Variants in DLGAP2 observed in about 807,000 individuals in gnomAD.
DLGAP2 encodes the protein DLG associated protein 2.
A neutral mutation model predicts 100.3 loss-of-function variants in DLGAP2; 26 were observed. The observed-to-expected ratio is 0.26, with a 90% CI of 0.19 to 0.36. The LOEUF is 0.36. Among genes scored for constraint, DLGAP2 ranks in the 10% least tolerant of loss-of-function variants. The pLI, the probability that DLGAP2 is intolerant of heterozygous loss-of-function variation, is 1.00. For synonymous variants in DLGAP2, 886 were observed against 630.1 expected (o/e 1.41, Z -6.08); for missense variants, 1,858 against 1,453.2 (o/e 1.28, Z -4.53).
At position 1,469,426 on chromosome 8, in the gene DLGAP2, C is replaced by T. The variant is rs370513037; in HGVS notation, c.107-31940C>T. On this transcript the variant is annotated intron_variant, in intron 3 of 14. Coordinates refer to ENST00000637795, the MANE Select transcript of DLGAP2 (RefSeq NM_001346810.2). ...CCTCAGGAGACCCTCCATGTGGCCA[C>T]CAAGGGCAGCAAACTGCAGTACATC... is the stretch of plus-strand genomic sequence containing the variant. 6.3e-4 allele frequency among the ~76,000 whole-genome samples: 96 copies of T among 152,314 alleles called. 1 individual carries two copies. The South Asian group carries it at 0.017, about 27-fold the overall frequency.
At chr8:1,371,457 G>T (rs1234632607) in intron 3 of DLGAP2, among the ~76,000 whole-genome samples, 1 of 152,194 alleles carries the variant, frequency 6.6e-6, no homozygotes, top group South Asian at 2.1e-4. Flanking sequence ...GATGACTCAG[G>T]CTGGTGCTCT....
At chr8:1,295,780 G>A (rs921342060) in intron 3 of DLGAP2, among the ~76,000 whole-genome samples, 14 of 152,196 alleles carry the variant, frequency 9.2e-5, no homozygotes, top group Non-Finnish European at 1.0e-4. Context: ...CCCAGCCATC[G>A]TCCCCTCGTG....
chr8:1,210,253 T>G (rs1292575442), intron 2 of DLGAP2, among the ~76,000 whole-genome samples: 1 of 152,062 alleles, frequency 6.6e-6, no homozygotes, highest in Non-Finnish European at 1.5e-5. Flanking sequence ...GAGGCTGGCT[T>G]AGGGCAGGGT....
Position 1,005,990 on chromosome 8 carries a change from AC to A in DLGAP2, c.73+98026del, listed in dbSNP as rs1801097700. 2.0e-5 allele frequency among the ~76,000 whole-genome samples: 3 copies of A among 152,226 alleles called. No homozygotes were observed. The South Asian group carries it at 6.2e-4, about 32-fold the overall frequency. ...CAAATCACGAGGTCAAGAGATCAAG[AC>A]CATCCTGGCCAACATGGTGAAACCC... On this transcript the variant is annotated intron_variant, in intron 2 of 14. Coordinates refer to ENST00000637795, the MANE Select transcript of DLGAP2 (RefSeq NM_001346810.2).
chr8:899,181 A>G (rs1305588005), intron 1 of DLGAP2, among the ~76,000 whole-genome samples: 1 of 152,044 alleles, frequency 6.6e-6, no homozygotes, highest in African/African-American at 2.4e-5. Context: ...CCTCTCTCCA[A>G]CCTGCTCCCA....
chr8:1,180,300 G>C (rs7821624), intron 2 of DLGAP2, among the ~76,000 whole-genome samples: 87,472 of 151,682 alleles, frequency 0.58, 25,495 homozygotes, highest in Admixed American at 0.66. Flanking sequence ...CTTCCACACT[G>C]CAGAGCGTTC....
chr8:808,327 A>G (rs1326585950), intron 1 of DLGAP2, among the ~76,000 whole-genome samples: 2 of 152,174 alleles, frequency 1.3e-5, no homozygotes, highest in East Asian at 1.9e-4. Flanking sequence ...GTGATGGTGC[A>G]TTTCACTTAG....
intron 3 of DLGAP2, among the ~76,000 whole-genome samples, chr8:1,350,504 G>A (rs1204343037): frequency 1.1e-5 from 1 of 91,020 alleles, no homozygotes; most frequent in Non-Finnish European, 2.1e-5. Flanking sequence ...CTGACTGTGC[G>A]TGGAAAGGCC....
chr8:1,644,099 TCACC>T lies in DLGAP2; in HGVS notation c.1810+11055_1810+11058del. On this transcript the variant is annotated intron_variant, in intron 8 of 14. Coordinates refer to ENST00000637795, the MANE Select transcript of DLGAP2 (RefSeq NM_001346810.2). Reference sequence around the variant, plus strand: ...TCGACCCCGCCGGTCCTCACCTGTGTCACCCTCGACCCCGCCGGCCCTCACCTGT... The same window carrying T: ...TCGACCCCGCCGGTCCTCACCTGTGTCTCGACCCCGCCGGCCCTCACCTGT... Among the ~76,000 whole-genome samples the T allele has an allele frequency of 1.5e-5, 2 of 136,942 alleles. 1 individual carries two copies. Among genetic ancestry groups the T allele is most frequent in the African/African-American group, 5.9e-5 (2 of 33,918 alleles). The allele number at this position is 136,942 out of a possible 152,430, so 89.8% of individuals were successfully genotyped here.
At chr8:1,193,689 C>G (rs1359970367) in intron 2 of DLGAP2, among the ~76,000 whole-genome samples, 1 of 152,162 alleles carries the variant, frequency 6.6e-6, no homozygotes, top group East Asian at 1.9e-4. Flanking sequence ...CCACCTGAGT[C>G]TCGCGTGGCT....
At chr8:1,346,073 G>A (rs975983811) in intron 3 of DLGAP2, among the ~76,000 whole-genome samples, 2 of 152,234 alleles carry the variant, frequency 1.3e-5, no homozygotes, top group South Asian at 2.1e-4. Context: ...TGGCTGAGTG[G>A]AGGTTGAGTG....
chr8:1,255,407 C>T (rs1436792180), intron 2 of DLGAP2, among the ~76,000 whole-genome samples: 1 of 139,406 alleles, frequency 7.2e-6, no homozygotes, highest in African/African-American at 2.7e-5. Context: ...TCCTCTCCTG[C>T]CTGGGTGCTG....
At chr8:1,111,865 A>T (rs1279659928) in intron 2 of DLGAP2, among the ~76,000 whole-genome samples, 1 of 152,168 alleles carries the variant, frequency 6.6e-6, no homozygotes, top group Admixed American at 6.5e-5. Context: ...TGCAGTGAGC[A>T]TTCACGTGCA....
intron 5 of DLGAP2, among the ~76,000 whole-genome samples, chr8:1,557,642 C>A (rs1398079552): frequency 1.3e-5 from 2 of 152,136 alleles, no homozygotes; most frequent in East Asian, 3.9e-4. Context: ...TGTAAAGGCA[C>A]ATTCATTCCG....
chr8:1,223,197 G>T (rs1204113878), intron 2 of DLGAP2, among the ~76,000 whole-genome samples: 3 of 152,162 alleles, frequency 2.0e-5, no homozygotes, highest in African/African-American at 7.2e-5. Flanking sequence ...AAGTCCTGGT[G>T]CCCAGCAACC....
chr8:1,231,425 T>C (rs1481854795), intron 2 of DLGAP2, among the ~76,000 whole-genome samples: 1 of 152,166 alleles, frequency 6.6e-6, no homozygotes, highest in Non-Finnish European at 1.5e-5. Flanking sequence ...GGAAAGCAGT[T>C]TGGAGATTTC....
chr8:1,275,612 A>G (rs1324963314), intron 3 of DLGAP2, among the ~76,000 whole-genome samples: 1 of 150,162 alleles, frequency 6.7e-6, no homozygotes. Context: ...CTCTATTTGT[A>G]AGAAGTTTAT....
At chr8:1,497,673 C>G (rs1255813651) in intron 3 of DLGAP2, among the ~76,000 whole-genome samples, 2 of 152,218 alleles carry the variant, frequency 1.3e-5, no homozygotes, top group African/African-American at 2.4e-5. Context: ...ATGGCTCTAC[C>G]TATGGCCTGT....
At chr8:1,628,785 C>T (rs550221329) in intron 7 of DLGAP2, among the ~76,000 whole-genome samples, 11 of 142,224 alleles carry the variant, frequency 7.7e-5, no homozygotes, top group South Asian at 2.4e-4. Context: ...AGAGCCTGAG[C>T]GCAGGGATTA....
Sources: allele counts gnomAD v4.1 joint callset (sites outside exome capture counted in the v4.1 genomes callset), GRCh38; gene constraint gnomAD v4.1.1; transcripts MANE v1.5; gene names NCBI Gene and HGNC (gene_info 2026-07-23, HGNC 2026-07-21).